The following SAE1 variants were observed in gnomAD, a reference collection of about 807,000 sequenced individuals.
SAE1 encodes SUMO-activating enzyme subunit 1.
Under a neutral mutation model 40.6 loss-of-function variants are expected in SAE1, and 11 were observed. The ratio of observed to expected loss-of-function variants is 0.27; its 90% CI spans 0.17 to 0.45. The LOEUF (loss-of-function observed/expected upper bound fraction) is 0.45. Among genes scored for constraint, SAE1 ranks in the 20% least tolerant of loss-of-function variants. The pLI is 1.00. For missense variants in SAE1, 373 were observed against 427.3 expected, an observed-to-expected ratio of 0.87 and a Z score of 1.12; for synonymous variants, 155 against 154.3, an observed-to-expected ratio of 1.00 and a Z score of -0.03.
chr19:47,154,480 CTTTTTTTTTTTTTTT>C (rs57870733), intron 4 of SAE1, among the ~76,000 whole-genome samples: 39 of 51,576 alleles, frequency 7.6e-4, no homozygotes, highest in Admixed American at 2.0e-3. Flanking sequence ...TTAAGTTTGG[CTTTTTTTTTTTTTTT>C]TTTTTTTTTT....
intron 5 of SAE1, among the ~76,000 whole-genome samples, chr19:47,169,612 A>G (rs549950311): frequency 7.0e-4 from 106 of 152,300 alleles, no homozygotes; most frequent in African/African-American, 2.4e-3. Flanking sequence ...CCTTCAGTGC[A>G]GGGAGTTTGT....
At chr19:47,160,775 C>T (rs2058355124) in intron 5 of SAE1, among the ~76,000 whole-genome samples, 2 of 151,972 alleles carry the variant, frequency 1.3e-5, no homozygotes, top group Admixed American at 6.6e-5. Flanking sequence ...GTGATCCACC[C>T]GCCTCAGCCT....
intron 6 of SAE1, among the ~76,000 whole-genome samples, chr19:47,188,967 G>A (rs895602492): frequency 2.0e-5 from 3 of 152,182 alleles, no homozygotes; most frequent in African/African-American, 7.2e-5. Flanking sequence ...TTTCGAGTTA[G>A]GACATTGTTA....
intron 8 of SAE1, among the ~76,000 whole-genome samples, chr19:47,206,884 TTTTA>T (rs1177612643): frequency 6.6e-6 from 1 of 152,230 alleles, no homozygotes; most frequent in African/African-American, 2.4e-5. Flanking sequence ...GGCAGGTGCT[TTTTA>T]TTTGCCTATT....
chr19:47,172,970 T>G (rs2058444357), intron 6 of SAE1, among the ~76,000 whole-genome samples: 1 of 152,142 alleles, frequency 6.6e-6, no homozygotes, highest in South Asian at 2.1e-4. Flanking sequence ...ATCACCCATC[T>G]AAAACAAAAT....
At chr19:47,201,475 G>T (rs773972952) in intron 7 of SAE1, among the ~76,000 whole-genome samples, 1 of 130,122 alleles carries the variant, frequency 7.7e-6, no homozygotes, top group Non-Finnish European at 1.6e-5. Context: ...AGCTTTAAGT[G>T]ATTCTTTTGC....
intron 1 of SAE1, among the ~76,000 whole-genome samples, chr19:47,137,981 G>A (rs887542515): frequency 1.3e-5 from 2 of 151,580 alleles, no homozygotes; most frequent in Non-Finnish European, 2.9e-5. Context: ...TGCCCACCTC[G>A]GCCTCCCAAA....
chr19:47,138,756 G>T (rs62135077), intron 1 of SAE1, among the ~76,000 whole-genome samples: 8,961 of 152,230 alleles, frequency 0.059, 376 homozygotes, highest in Non-Finnish European at 0.094. Context: ...GCTGAGGTTG[G>T]AGGATCACTT....
At chr19:47,136,078 A>T (rs1436855171) in intron 1 of SAE1, among the ~76,000 whole-genome samples, 2 of 152,128 alleles carry the variant, frequency 1.3e-5, no homozygotes, top group Non-Finnish European at 2.9e-5. Flanking sequence ...GTTGATAGAC[A>T]TATGGGTTGC....
At chr19:47,178,583 C>G (rs2058484928) in intron 6 of SAE1, among the ~76,000 whole-genome samples, 2 of 152,198 alleles carry the variant, frequency 1.3e-5, no homozygotes, top group Non-Finnish European at 2.9e-5. Context: ...GTGCAATTCT[C>G]CTGCCTCAGC....
At chr19:47,162,897 C>CG (rs2058367810) in intron 5 of SAE1, among the ~76,000 whole-genome samples, 1 of 152,006 alleles carries the variant, frequency 6.6e-6, no homozygotes, top group African/African-American at 2.4e-5. Flanking sequence ...GAAGCTGAGG[C>CG]GGGAGGATTG....
intron 6 of SAE1, among the ~76,000 whole-genome samples, chr19:47,191,405 G>A (rs1422796994): frequency 6.6e-6 from 1 of 152,184 alleles, no homozygotes; most frequent in African/African-American, 2.4e-5. Flanking sequence ...CCAAAGCAGA[G>A]GATATTGCAT....
At chr19:47,200,106 G>T (rs989014471) in intron 7 of SAE1, among the ~76,000 whole-genome samples, 1 of 150,740 alleles carries the variant, frequency 6.6e-6, no homozygotes, top group African/African-American at 2.4e-5. Context: ...AATTTTTTTT[G>T]TATTTTTTAG....
chr19:47,185,040 G>A lies in SAE1; in HGVS notation c.734-12193G>A, dbSNP rs923367105. On this transcript the variant is annotated intron_variant, in intron 6 of 8. Coordinates refer to ENST00000270225, the MANE Select transcript of SAE1 (RefSeq NM_005500.3). ...TCACCATGTTGGCCAGGCTGCTCTCGAACTCCTGACCTCGGGTGATCCACC... is the reference window on the plus strand; with the variant it reads ...TCACCATGTTGGCCAGGCTGCTCTCAAACTCCTGACCTCGGGTGATCCACC... Among the ~76,000 whole-genome samples, 4 of 151,862 alleles carry A rather than the reference G, an allele frequency of 2.6e-5. No individual in the cohort carries two copies. The East Asian group carries it at 5.9e-4, about 22-fold the overall frequency.
At chr19:47,157,336 T>G (rs777617391) in intron 5 of SAE1, among the ~76,000 whole-genome samples, 1 of 152,194 alleles carries the variant, frequency 6.6e-6, no homozygotes, top group Non-Finnish European at 1.5e-5. Context: ...TCCGTGAATT[T>G]GGTGGGGGGA....
At chr19:47,176,124 C>A (rs1334622164) in intron 6 of SAE1, among the ~76,000 whole-genome samples, 1 of 152,176 alleles carries the variant, frequency 6.6e-6, no homozygotes, top group Non-Finnish European at 1.5e-5. Context: ...CTGTGAAACA[C>A]CGGTTGGGAA....
At position 47,152,960 on chromosome 19, in the gene SAE1, T is replaced by C; in HGVS notation, c.447T>C (p.Asn149=). ...AAGTTGACCAGATCTGTCACAAAAA[T>C]AGCATCAAGTTCTTTACAGGAGATG... ...IVKVDQICHK[N]SIKFFTGDVF... is the part of the protein sequence containing the mutation. Residue 149 remains asparagine (N), a synonymous_variant, in exon 4 of 9, where the codon AAT becomes AAC. Coordinates refer to ENST00000270225, the MANE Select transcript of SAE1 (RefSeq NM_005500.3). The C allele has an allele frequency of 6.2e-7, 1 of 1,612,692 alleles. No homozygotes were observed. Among genetic ancestry groups the C allele is most frequent in the Non-Finnish European group, 8.5e-7 (1 of 1,179,818 alleles).
intron 6 of SAE1, among the ~76,000 whole-genome samples, chr19:47,187,023 G>C (rs993319774): frequency 6.6e-6 from 1 of 152,190 alleles, no homozygotes; most frequent in Non-Finnish European, 1.5e-5. Flanking sequence ...GGGGTGGAGG[G>C]GGGGTGCTCA....
chr19:47,203,153 C>T (rs2058664827), intron 7 of SAE1, among the ~76,000 whole-genome samples: 1 of 152,010 alleles, frequency 6.6e-6, no homozygotes, highest in South Asian at 2.1e-4. Flanking sequence ...CTCTAGATGC[C>T]CCATCCTGGC....
Sources: gnomAD v4.1 joint callset for allele counts (sites outside exome capture counted in the v4.1 genomes callset) on GRCh38, gnomAD v4.1.1 for gene constraint, MANE v1.5 for transcripts, NCBI Gene and HGNC (gene_info 2026-07-23, HGNC 2026-07-21) for gene names.